Variants in GAL3ST2 observed in about 807,000 individuals in gnomAD.
GAL3ST2 encodes beta-galactose-3-O-sulfotransferase 2.
Under a neutral mutation model 12.9 loss-of-function variants are expected in GAL3ST2, and 16 were observed. That is an observed-to-expected ratio of 1.24 (90% CI 0.84 to 1.88). The LOEUF is 1.88. Ranked by LOEUF, GAL3ST2 falls within the 40% of genes most tolerant of loss-of-function variation. The pLI is 0.00. For missense variants in GAL3ST2, 639 were observed against 571.8 expected (o/e 1.12, Z -1.20); for synonymous variants, 302 against 273.9 (o/e 1.10, Z -1.01).
At position 241,800,100 on chromosome 2, in the gene GAL3ST2, C is replaced by T. The variant is rs1464405388; in HGVS notation, c.119+946C>T. On this transcript the variant is annotated intron_variant, in intron 2 of 3. Transcript: ENST00000192314. This position sits in a 1 kb window ranked among gnomAD's most constrained non-coding sequence, Gnocchi z 5.2. ...ATGTGTGGGCCAGAGTGTGTAGCCC[C>T]CGAGGGAAACAGGGATGGGTCTGAG... 6.6e-6 allele frequency among the ~76,000 whole-genome samples: 1 copy of T among 152,144 alleles called. No individual in the cohort carries two copies. The highest frequency in any genetic ancestry group is 6.5e-5 in the Admixed American group (1 of 15,272).
Position 241,801,489 on chromosome 2 carries a change from G to A in GAL3ST2, c.120-292G>A. The A allele has an allele frequency of 1.9e-6, 1 of 515,798 alleles. No homozygotes were observed. Among genetic ancestry groups the A allele is most frequent in the Non-Finnish European group, 3.4e-6 (1 of 290,988 alleles). The allele number at this position is 515,798 out of a possible 1,614,324, so 32.0% of individuals were successfully genotyped here. A position where few individuals can be genotyped will look rare whatever the true frequency, so the allele number is the denominator to read the frequency against. On this transcript the variant is annotated intron_variant, in intron 2 of 3. Transcript: ENST00000192314. The surrounding 1 kb of genome is among the most constrained non-coding windows in gnomAD (Gnocchi z 4.4). ...GTGGGTCTGGGGTCCCCTTGGCCAA[G>A]ATGGGGTTCATTTAGGGTTTTATTT... is the stretch of plus-strand genomic sequence containing the variant.
chr2:241,791,755 T>C (rs1699695796), intron 1 of GAL3ST2, among the ~76,000 whole-genome samples: 1 of 152,188 alleles, frequency 6.6e-6, no homozygotes, highest in Non-Finnish European at 1.5e-5. Context: ...AGGCCAAGTA[T>C]AATAAAGCAA....
chr2:241,787,095 C>A (rs925096089), intron 1 of GAL3ST2, among the ~76,000 whole-genome samples: 4 of 152,186 alleles, frequency 2.6e-5, no homozygotes, highest in African/African-American at 4.8e-5. Flanking sequence ...GGAAGCCCTT[C>A]CCTGCTTCAA....
chr2:241,803,301 G>C (rs1395324460), intron 3 of GAL3ST2, 44 bp from the exon 4 acceptor site: 3 of 1,509,436 alleles, frequency 2.0e-6, no homozygotes, highest in Non-Finnish European at 1.8e-6. Context: ...GGCCACCCTG[G>C]CCTGGGCCCG....
At chr2:241,783,157 CA>C (rs1181035411) in intron 1 of GAL3ST2, among the ~76,000 whole-genome samples, 1 of 151,184 alleles carries the variant, frequency 6.6e-6, no homozygotes, top group Admixed American at 6.6e-5. Flanking sequence ...AAAACCCACA[CA>C]AAAAAAGTTT....
At chr2:241,792,334 C>T (rs1398447959) in intron 1 of GAL3ST2, among the ~76,000 whole-genome samples, 1 of 151,758 alleles carries the variant, frequency 6.6e-6, no homozygotes, top group East Asian at 1.9e-4. Flanking sequence ...CCACCCGCCC[C>T]CCTTATTTTT....
chr2:241,803,286 G>C, intron 3 of GAL3ST2, 59 bp from the exon 4 acceptor site: 1 of 1,422,738 alleles, frequency 7.0e-7, no homozygotes, highest in African/African-American at 1.4e-5. Flanking sequence ...TCCTCCCCGC[G>C]GGTGGGCCAC....
chr2:241,778,716 C>T (rs1699524425), intron 1 of GAL3ST2, among the ~76,000 whole-genome samples: 1 of 152,080 alleles, frequency 6.6e-6, no homozygotes, highest in African/African-American at 2.4e-5. Flanking sequence ...CCAAGGTGGT[C>T]AGGGCACAGT....
chr2:241,796,478 G>A lies in GAL3ST2; in HGVS notation c.30-2587G>A, dbSNP rs183242484. The stretch of plus-strand genomic sequence containing the variant: ...TGGGCCGGCCACGGAGCTGATGGTC[G>A]TCACGTATCAGGGCTCTGCTCAGTC... On this transcript the variant is annotated intron_variant, in intron 1 of 3. Coordinates refer to ENST00000192314, the MANE Select transcript of GAL3ST2 (RefSeq NM_022134.3). 3.3e-5 allele frequency among the ~76,000 whole-genome samples: 5 copies of A among 149,782 alleles called. No homozygotes were observed. The East Asian group carries it at 6.0e-4, about 18-fold the overall frequency.
In GAL3ST2 at chr2:241,795,352, C is replaced by T. The variant is rs1194977887; in HGVS notation, c.30-3713C>T. Among the ~76,000 whole-genome samples the T allele has an allele frequency of 6.6e-6, 1 of 152,204 alleles. No individual in the cohort carries two copies. The highest frequency in any genetic ancestry group is 1.5e-5 in the Non-Finnish European group (1 of 68,046). On this transcript the variant is annotated intron_variant, in intron 1 of 3. Transcript: ENST00000192314. This position sits in a 1 kb window ranked among gnomAD's most constrained non-coding sequence, Gnocchi z 4.5. ...ATTGGGCAGTTGCAAAGAACAGAGA[C>T]AGATTCATGCTGCCGCAAGGCCAAG... is the stretch of plus-strand genomic sequence containing the variant.
chr2:241,785,857 T>TACACAC (rs142153611), intron 1 of GAL3ST2, among the ~76,000 whole-genome samples: 13 of 150,064 alleles, frequency 8.7e-5, no homozygotes, highest in African/African-American at 2.7e-4. Context: ...GCCTTTTAAA[T>TACACAC]ACACACACAC....
Position 241,794,292 on chromosome 2 carries a change from C to T in GAL3ST2, c.30-4773C>T, listed in dbSNP as rs141000537. Among the ~76,000 whole-genome samples the T allele has an allele frequency of 4.6e-5, 7 of 152,266 alleles. 1 individual carries two copies. The South Asian group carries it at 6.2e-4, about 14-fold the overall frequency. On this transcript the variant is annotated intron_variant, in intron 1 of 3. Transcript: ENST00000192314. ...ATTTTAGATATTTTGTGGGTTCTTA[C>T]TGAGAAGTTGCAGAATTCTCCCCGA...
chr2:241,784,678 T>C (rs1177101716), intron 1 of GAL3ST2, among the ~76,000 whole-genome samples: 1 of 152,240 alleles, frequency 6.6e-6, no homozygotes, highest in South Asian at 2.1e-4. Flanking sequence ...TAGTGAAACA[T>C]TGTGTACACA....
chr2:241,803,903 GC>G lies in GAL3ST2; in HGVS notation c.937del (p.Arg313GlyfsTer58). 7.1e-7 allele frequency: 1 copy of G among 1,413,968 alleles called. No individual in the cohort carries two copies. Among genetic ancestry groups the G allele is most frequent in the Non-Finnish European group, 9.2e-7 (1 of 1,091,700 alleles). 87.6% of individuals were successfully genotyped at this position (1,413,968 alleles called of 1,614,324 possible). A position where few individuals can be genotyped will look rare whatever the true frequency, so the allele number is the denominator to read the frequency against. ...RLRGEVERLR[A>X]RRRELASLCL... Reference sequence around the variant, plus strand: ...GCGCGGGGAGGTGGAGCGGCTGCGCGCCCGGAGGCGCGAACTCGCGAGCCTG... The same window carrying G: ...GCGCGGGGAGGTGGAGCGGCTGCGCGCCGGAGGCGCGAACTCGCGAGCCTG... On this transcript the variant is annotated frameshift_variant, in exon 4 of 4. Transcript: ENST00000192314. LOFTEE classifies it low-confidence loss of function (END_TRUNC).
chr2:241,789,639 T>A (rs930539018), intron 1 of GAL3ST2, among the ~76,000 whole-genome samples: 5 of 152,246 alleles, frequency 3.3e-5, no homozygotes, highest in Non-Finnish European at 5.9e-5. Context: ...CCCAGCACTT[T>A]GGGAAGCCAA....
At chr2:241,782,702 G>A (rs1032796076) in intron 1 of GAL3ST2, among the ~76,000 whole-genome samples, 1 of 151,986 alleles carries the variant, frequency 6.6e-6, no homozygotes, top group Admixed American at 6.6e-5. Context: ...TCTTCTACTG[G>A]GGCTTTAATT....
intron 1 of GAL3ST2, among the ~76,000 whole-genome samples, chr2:241,798,742 C>T (rs1007225474): frequency 6.6e-6 from 1 of 152,166 alleles, no homozygotes; most frequent in Non-Finnish European, 1.5e-5. Context: ...GTAGAGGTCC[C>T]CTGACCTGTT....
Position 241,802,641 on chromosome 2 carries a change from G to GGGA in GAL3ST2, c.375+614_375+616dup, listed in dbSNP as rs1464776362. Among the ~76,000 whole-genome samples the GGGA allele has an allele frequency of 1.3e-5, 2 of 150,978 alleles. No homozygotes were observed. Among genetic ancestry groups the GGGA allele is most frequent in the Admixed American group, 1.3e-4 (2 of 15,168 alleles). On this transcript the variant is annotated intron_variant, in intron 3 of 3. Coordinates refer to ENST00000192314, the MANE Select transcript of GAL3ST2 (RefSeq NM_022134.3). The surrounding 1 kb of genome is among the most constrained non-coding windows in gnomAD (Gnocchi z 4.8). ...TGTGGGGTGGGGGCTGCGGGGCAGA[G>GGGA]GGAGGAGGAGGGGCCGGGAGGAGGG...
At chr2:241,794,341 C>T (rs573971656) in intron 1 of GAL3ST2, among the ~76,000 whole-genome samples, 42 of 152,350 alleles carry the variant, frequency 2.8e-4, no homozygotes, top group Admixed American at 5.9e-4. Context: ...TGCTGTCCTG[C>T]AGGCGCTCAC....
Sources: gnomAD v4.1 joint callset for allele counts (sites outside exome capture counted in the v4.1 genomes callset) on GRCh38, gnomAD v4.1.1 for gene constraint, Gnocchi (gnomAD v3.1) non-coding constraint, MANE v1.5 for transcripts, NCBI Gene and HGNC (gene_info 2026-07-23, HGNC 2026-07-21) for gene names.